Variants in DMGDH observed in about 807,000 individuals in gnomAD.
DMGDH encodes dimethylglycine dehydrogenase.
A neutral mutation model predicts 95.2 loss-of-function variants in DMGDH; 76 were observed. The observed-to-expected ratio is 0.80, with a 90% CI of 0.66 to 0.97. The LOEUF (loss-of-function observed/expected upper bound fraction) is 0.97, where lower values mean the gene tolerates loss of function less well. Ranked by LOEUF, DMGDH falls within the 50% of genes least tolerant of loss-of-function variation. DMGDH has a pLI of 0.00. For missense variants in DMGDH, 987 were observed against 1,055.0 expected (o/e 0.94, Z 0.89); for synonymous variants, 345 against 377.6 (o/e 0.91, Z 1.00).
chr5:79,024,978 C>A, intron 13 of DMGDH, among the ~76,000 whole-genome samples: 1 of 152,234 alleles, frequency 6.6e-6, no homozygotes, highest in African/African-American at 2.4e-5. Flanking sequence ...ACTTTTAAAG[C>A]AACACAGCAC....
intron 14 of DMGDH, among the ~76,000 whole-genome samples, chr5:79,019,481 GA>G (rs1753810729): frequency 6.6e-6 from 1 of 151,944 alleles, no homozygotes; most frequent in Non-Finnish European, 1.5e-5. Context: ...ATCACCTGTG[GA>G]GCTTTAAAAA....
chr5:79,030,314 A>C (rs1580200513), intron 10 of DMGDH, among the ~76,000 whole-genome samples: 1 of 152,358 alleles, frequency 6.6e-6, no homozygotes, highest in East Asian at 1.9e-4. Context: ...CAAAGTCATA[A>C]GGTCCTTGGA....
At position 79,033,341 on chromosome 5, in the gene DMGDH, G is replaced by C; in HGVS notation, c.1261C>G (p.Pro421Ala). Residue 421 changes from proline to alanine, a missense_variant, in exon 8 of 16, where the codon CCT becomes GCT. Coordinates refer to ENST00000255189, the MANE Select transcript of DMGDH (RefSeq NM_013391.3). ...GGATCCAATTCTATCAGATCAAAAG[G>C]AGGTTCTCCATGCAGGATCCAGTCA... ...LSDWILHGEP[P>A]FDLIELDPNR... is the part of the protein sequence containing the mutation. 2 of 1,614,140 alleles carry C rather than the reference G, an allele frequency of 1.2e-6. No homozygotes were observed. The highest frequency in any genetic ancestry group is 1.7e-6 in the Non-Finnish European group (2 of 1,180,032).
At chr5:79,031,042 T>A in intron 9 of DMGDH, 44 bp from the exon 10 acceptor site, 1 of 1,609,172 alleles carries the variant, frequency 6.2e-7, no homozygotes, top group Non-Finnish European at 8.5e-7. Context: ...CCCGTTCATT[T>A]TTCAAAAATT....
At position 79,006,850 on chromosome 5, in the gene DMGDH, C is replaced by CTCCCCCG. The variant is rs1554033740; in HGVS notation, c.2251-1444_2251-1443insCGGGGGA. Among the ~76,000 whole-genome samples the CTCCCCCG allele has an allele frequency of 1.5e-4, 22 of 147,568 alleles. 1 individual carries two copies. The highest frequency in any genetic ancestry group is 8.1e-4 in the Admixed American group (12 of 14,784). ...CTCACACACCCTCACCTGAGACCCC[C>CTCCCCCG]CCAGTCCATTCCTTTCCTAGTTTAG... On this transcript the variant is annotated intron_variant, in intron 14 of 15. Coordinates refer to ENST00000255189, the MANE Select transcript of DMGDH (RefSeq NM_013391.3).
At chr5:79,050,946 T>C (rs16876394) in intron 5 of DMGDH, among the ~76,000 whole-genome samples, 14,729 of 152,232 alleles carry the variant, frequency 0.097, 792 homozygotes, top group Middle Eastern at 0.13. Flanking sequence ...AAGAGGATGC[T>C]TATGAACTTC....
intron 14 of DMGDH, among the ~76,000 whole-genome samples, chr5:79,016,177 G>A (rs550771635): frequency 3.9e-4 from 59 of 151,760 alleles, no homozygotes; most frequent in Non-Finnish European, 7.1e-4. Context: ...GGCAGAAGTT[G>A]CAGTGAGCCA....
At position 79,030,821 on chromosome 5, in the gene DMGDH, A is replaced by G; in HGVS notation, c.1683+12T>C. 3 of 1,613,906 alleles carry G rather than the reference A, an allele frequency of 1.9e-6. No homozygotes were observed. Among genetic ancestry groups the G allele is most frequent in the East Asian group, 2.2e-5 (1 of 44,876 alleles). On this transcript the variant is annotated intron_variant, in intron 10 of 15. Transcript: ENST00000255189. ...AGAATCCTGGACCTTGTATCCCTAC[A>G]AGGCTATTTACCTTTGGAATGACAT...
At chr5:79,008,019 CAT>C (rs1345159839) in intron 14 of DMGDH, among the ~76,000 whole-genome samples, 1 of 152,108 alleles carries the variant, frequency 6.6e-6, no homozygotes, top group Non-Finnish European at 1.5e-5. Flanking sequence ...TTATTGGAAA[CAT>C]AGCAGAACAT....
At chr5:79,041,565 A>C (rs1754507633) in intron 7 of DMGDH, among the ~76,000 whole-genome samples, 1 of 152,244 alleles carries the variant, frequency 6.6e-6, no homozygotes, top group African/African-American at 2.4e-5. Context: ...CATGTTATAC[A>C]TTTGATATTT....
intron 15 of DMGDH, chr5:79,000,965 A>C: frequency 1.5e-6 from 1 of 685,888 alleles, no homozygotes; most frequent in South Asian, 1.8e-5. Context: ...CTTGCAAGCA[A>C]AGTGTCCATT....
intron 2 of DMGDH, among the ~76,000 whole-genome samples, chr5:79,060,658 C>T (rs1049378331): frequency 6.6e-6 from 1 of 152,080 alleles, no homozygotes; most frequent in Non-Finnish European, 1.5e-5. Flanking sequence ...CGGTGGCTCA[C>T]GCCTGTAATC....
chr5:79,058,462 A>C (rs1013569641), intron 2 of DMGDH, among the ~76,000 whole-genome samples: 3 of 152,224 alleles, frequency 2.0e-5, no homozygotes, highest in Non-Finnish European at 4.4e-5. Flanking sequence ...CATTGTTCTT[A>C]TCACTCAGGA....
At chr5:79,029,820 G>A (rs1373489612) in intron 11 of DMGDH, 84 bp downstream of exon 11, 12 of 1,359,338 alleles carry the variant, frequency 8.8e-6, no homozygotes, top group East Asian at 4.8e-5. Flanking sequence ...TTGTACTTTC[G>A]AGTACTGGTA....
intron 5 of DMGDH, among the ~76,000 whole-genome samples, chr5:79,050,849 C>T (rs1486753008): frequency 3.3e-5 from 5 of 152,112 alleles, no homozygotes; most frequent in Non-Finnish European, 7.4e-5. Flanking sequence ...CATTTAAAAA[C>T]TTTTTCAACT....
intron 7 of DMGDH, among the ~76,000 whole-genome samples, chr5:79,040,125 C>T (rs554499141): frequency 3.9e-5 from 6 of 152,258 alleles, no homozygotes; most frequent in East Asian, 3.9e-4. Flanking sequence ...GGGTGTCTCC[C>T]GAGACTTGAG....
chr5:79,058,527 A>C (rs1016846814), intron 2 of DMGDH, among the ~76,000 whole-genome samples: 1 of 152,206 alleles, frequency 6.6e-6, no homozygotes, highest in Non-Finnish European at 1.5e-5. Flanking sequence ...AATCAAGGGT[A>C]AATGATTGAG....
intron 2 of DMGDH, among the ~76,000 whole-genome samples, chr5:79,058,274 T>G (rs1377271845): frequency 2.0e-5 from 3 of 152,204 alleles, no homozygotes; most frequent in Admixed American, 6.5e-5. Flanking sequence ...AAATCTGTGT[T>G]TAAAATTTGG....
At chr5:79,021,113 G>T (rs369949868) in intron 14 of DMGDH, 10 of 984,852 alleles carry the variant, frequency 1.0e-5, no homozygotes, top group African/African-American at 7.0e-5. Flanking sequence ...TAGTTAAGAA[G>T]ATTTTAAAAG....
Sources: allele counts gnomAD v4.1 joint callset (sites outside exome capture counted in the v4.1 genomes callset), GRCh38; gene constraint gnomAD v4.1.1; transcripts MANE v1.5; gene names NCBI Gene and HGNC (gene_info 2026-07-23, HGNC 2026-07-21).